The following TSPAN18 variants were observed in gnomAD, a reference collection of about 807,000 sequenced individuals.
TSPAN18 encodes the protein tetraspanin-18.
TSPAN18 carries 14 observed loss-of-function variants against 27.3 expected under a neutral mutation model. The ratio of observed to expected loss-of-function variants is 0.51; its 90% CI spans 0.34 to 0.80. The LOEUF (loss-of-function observed/expected upper bound fraction) is 0.80. Among genes scored for constraint, TSPAN18 ranks in the 30% least tolerant of loss-of-function variants. TSPAN18 has a pLI of 0.01. For missense variants in TSPAN18, 268 were observed against 323.9 expected, an observed-to-expected ratio of 0.83 and a Z score of 1.32; for synonymous variants, 143 against 136.5, an observed-to-expected ratio of 1.05 and a Z score of -0.33.
chr11:44,867,389 CTTTTTTTTTT>C (rs71038824), intron 3 of TSPAN18, among the ~76,000 whole-genome samples: 22 of 60,424 alleles, frequency 3.6e-4, no homozygotes, highest in African/African-American at 1.1e-3. Flanking sequence ...GTTTATGAAT[CTTTTTTTTTT>C]TTTTTTTTTT....
chr11:44,907,893 A>G (rs1859512702), intron 4 of TSPAN18, among the ~76,000 whole-genome samples: 1 of 152,024 alleles, frequency 6.6e-6, no homozygotes, highest in African/African-American at 2.4e-5. Flanking sequence ...CATCTCTACT[A>G]AAAATACAAA....
intron 1 of TSPAN18, among the ~76,000 whole-genome samples, chr11:44,734,767 T>C (rs984899812): frequency 6.6e-6 from 1 of 152,222 alleles, no homozygotes; most frequent in Non-Finnish European, 1.5e-5. Context: ...GGGGTGTTGC[T>C]GAGAGAGGCT....
chr11:44,833,353 T>C (rs1036935864), intron 2 of TSPAN18, among the ~76,000 whole-genome samples: 1 of 152,166 alleles, frequency 6.6e-6, no homozygotes, highest in Non-Finnish European at 1.5e-5. Flanking sequence ...CCCCTACCTC[T>C]GAGCAAATGG....
intron 3 of TSPAN18, among the ~76,000 whole-genome samples, chr11:44,861,033 T>C (rs1394886172): frequency 6.6e-6 from 1 of 152,160 alleles, no homozygotes; most frequent in Non-Finnish European, 1.5e-5. Context: ...ATTTGGGGCC[T>C]ATTTATTGGT....
At chr11:44,795,244 C>T (rs970385786) in intron 2 of TSPAN18, among the ~76,000 whole-genome samples, 4 of 152,158 alleles carry the variant, frequency 2.6e-5, no homozygotes, top group Non-Finnish European at 4.4e-5. Flanking sequence ...CCACTCTTCC[C>T]TCACTGGCCC....
At chr11:44,836,989 T>C (rs1857276963) in intron 2 of TSPAN18, among the ~76,000 whole-genome samples, 1 of 152,332 alleles carries the variant, frequency 6.6e-6, no homozygotes, top group Non-Finnish European at 1.5e-5. Context: ...TACAGGGAGA[T>C]TCATGTTGTT....
intron 1 of TSPAN18, among the ~76,000 whole-genome samples, chr11:44,737,151 CT>C (rs1192340797): frequency 2.6e-5 from 4 of 152,226 alleles, no homozygotes; most frequent in Non-Finnish European, 4.4e-5. Flanking sequence ...GCCTCTGCCC[CT>C]AAGCCCCTCT....
chr11:44,777,847 C>T (rs775719567), intron 2 of TSPAN18, among the ~76,000 whole-genome samples: 10 of 152,084 alleles, frequency 6.6e-5, no homozygotes, highest in Non-Finnish European at 1.2e-4. Flanking sequence ...AGTTATTGAG[C>T]GCTAACTGTA....
intron 1 of TSPAN18, among the ~76,000 whole-genome samples, chr11:44,748,184 G>C (rs1380369334): frequency 1.3e-5 from 2 of 152,226 alleles, no homozygotes; most frequent in Non-Finnish European, 2.9e-5. Flanking sequence ...AAGGCAGACA[G>C]ATCACTTGAG....
intron 3 of TSPAN18, among the ~76,000 whole-genome samples, chr11:44,885,636 T>C (rs1858624674): frequency 6.6e-6 from 1 of 152,276 alleles, no homozygotes; most frequent in African/African-American, 2.4e-5. Context: ...GGATGTTTTT[T>C]ATGGGGAGGA....
intron 3 of TSPAN18, among the ~76,000 whole-genome samples, chr11:44,891,223 A>T (rs1858839964): frequency 6.6e-6 from 1 of 152,128 alleles, no homozygotes; most frequent in Non-Finnish European, 1.5e-5. Flanking sequence ...TTCCTTTTTA[A>T]TCTTATGTAT....
In TSPAN18 at chr11:44,906,388, G is replaced by A; in HGVS notation, c.-10-19G>A. 6.2e-7 allele frequency: 1 copy of A among 1,613,800 alleles called. No individual in the cohort carries two copies. The highest frequency in any genetic ancestry group is 1.3e-5 in the African/African-American group (1 of 75,038). ...TGGGGTCCCCCATCGGGAAGACTGA[G>A]GTGGCCTTGTATTTCTAGGTGGAGC... On this transcript the variant is annotated intron_variant, in intron 3 of 9. Transcript: ENST00000520358.
chr11:44,814,130 C>A (rs1242276334), intron 2 of TSPAN18, among the ~76,000 whole-genome samples: 1 of 152,162 alleles, frequency 6.6e-6, no homozygotes, highest in Non-Finnish European at 1.5e-5. Flanking sequence ...CTGCAGAGAA[C>A]CAGAATGGAG....
intron 3 of TSPAN18, among the ~76,000 whole-genome samples, chr11:44,879,642 T>C (rs1858435644): frequency 6.6e-6 from 1 of 152,202 alleles, no homozygotes; most frequent in Non-Finnish European, 1.5e-5. Flanking sequence ...TGGAGCTGGC[T>C]GGAACAGGGT....
intron 2 of TSPAN18, among the ~76,000 whole-genome samples, chr11:44,813,053 C>G (rs2135102364): frequency 6.6e-6 from 1 of 152,370 alleles, no homozygotes. Context: ...CTGGCCGTCT[C>G]TCTGTGCCCA....
intron 4 of TSPAN18, 159 bp from the exon 5 acceptor site, chr11:44,909,546 T>C: frequency 1.5e-6 from 1 of 656,648 alleles, no homozygotes; most frequent in Non-Finnish European, 2.6e-6. Context: ...AAGGTGCGGC[T>C]GGGACTCACT....
At chr11:44,894,273 C>T (rs1326480473) in intron 3 of TSPAN18, among the ~76,000 whole-genome samples, 1 of 152,214 alleles carries the variant, frequency 6.6e-6, no homozygotes, top group Admixed American at 6.5e-5. Flanking sequence ...GCAGATCCCC[C>T]ACTGGTGGGA....
intron 3 of TSPAN18, among the ~76,000 whole-genome samples, chr11:44,882,069 G>C (rs1431144722): frequency 6.6e-6 from 1 of 152,088 alleles, no homozygotes; most frequent in Non-Finnish European, 1.5e-5. Context: ...CAAGTGGTTA[G>C]GGTCCCTGGT....
intron 2 of TSPAN18, among the ~76,000 whole-genome samples, chr11:44,774,542 C>T (rs1590447255): frequency 6.6e-6 from 1 of 152,342 alleles, no homozygotes; most frequent in East Asian, 1.9e-4. Flanking sequence ...GCTCCTTCTG[C>T]CTGGAGGTCC....
Sources: allele counts gnomAD v4.1 joint callset (sites outside exome capture counted in the v4.1 genomes callset), GRCh38; gene constraint gnomAD v4.1.1; transcripts MANE v1.5; gene names NCBI Gene and HGNC (gene_info 2026-07-23, HGNC 2026-07-21).